TRPC4: variants seen among roughly 807,000 people sequenced by gnomAD.
TRPC4 encodes transient receptor potential cation channel subfamily C member 4.
Under a neutral mutation model 99.4 loss-of-function variants are expected in TRPC4, and 49 were observed. The observed-to-expected ratio is 0.49, with a 90% CI of 0.39 to 0.63. The LOEUF is 0.63. Among genes scored for constraint, TRPC4 ranks in the 20% least tolerant of loss-of-function variants. The pLI is 0.00. For synonymous variants in TRPC4, 454 were observed against 425.9 expected (o/e 1.07, Z -0.81); for missense variants, 898 against 1,152.9 (o/e 0.78, Z 3.20).
chr13:37,751,300 T>C (rs1955926687), intron 2 of TRPC4, among the ~76,000 whole-genome samples: 1 of 152,074 alleles, frequency 6.6e-6, no homozygotes, highest in Admixed American at 6.6e-5. Flanking sequence ...TTCCCAATCC[T>C]GCTTCTTTTG....
rs757732284 is a variant in TRPC4, at chr13:37,632,247, G to A, written c.*4656C>T. The stretch of plus-strand genomic sequence containing the variant: ...CAAGGCACAAATGCAAGCCACATAC[G>A]TATTTTTCAGTTTTCTAGTAGCCAC... On this transcript the variant is annotated 3_prime_UTR_variant, in exon 11 of 11. Coordinates refer to ENST00000379705, the MANE Select transcript of TRPC4 (RefSeq NM_016179.4). Among the ~76,000 whole-genome samples the A allele has an allele frequency of 6.6e-6, 1 of 152,142 alleles. No individual in the cohort carries two copies.
chr13:37,663,887 T>C (rs1189236716), intron 5 of TRPC4, among the ~76,000 whole-genome samples, 158 bp from the exon 6 acceptor site: 1 of 152,236 alleles, frequency 6.6e-6, no homozygotes, highest in Middle Eastern at 3.2e-3. Flanking sequence ...GAGGAACACA[T>C]GTAGGATACA....
chr13:37,752,075 C>CTATATA (rs10528143), intron 2 of TRPC4, among the ~76,000 whole-genome samples: 7,014 of 73,792 alleles, frequency 0.095, 1,593 homozygotes, highest in East Asian at 0.16. Context: ...AAGCAGAAAA[C>CTATATA]TATATATATA....
chr13:37,797,738 C>G (rs565027210), intron 1 of TRPC4, among the ~76,000 whole-genome samples: 1 of 152,268 alleles, frequency 6.6e-6, no homozygotes, highest in African/African-American at 2.4e-5. Flanking sequence ...AATTTGTCAT[C>G]TCCTAAATAC....
chr13:37,661,383 G>A (rs1196842408), intron 6 of TRPC4, among the ~76,000 whole-genome samples: 1 of 152,216 alleles, frequency 6.6e-6, no homozygotes, highest in African/African-American at 2.4e-5. Context: ...AATCATGACA[G>A]TGTTATGTAT....
At chr13:37,783,988 A>C (rs769861416) in intron 1 of TRPC4, among the ~76,000 whole-genome samples, 111 of 152,132 alleles carry the variant, frequency 7.3e-4, no homozygotes, top group Non-Finnish European at 1.3e-3. Flanking sequence ...AATTACAGGC[A>C]TGAGCCACTG....
chr13:37,790,668 G>A (rs1341598220), intron 1 of TRPC4, among the ~76,000 whole-genome samples: 1 of 152,042 alleles, frequency 6.6e-6, no homozygotes, highest in African/African-American at 2.4e-5. Flanking sequence ...CACAAAAATT[G>A]CCTCATCCTA....
intron 5 of TRPC4, among the ~76,000 whole-genome samples, chr13:37,664,374 G>A (rs879697405): frequency 3.3e-5 from 5 of 152,002 alleles, no homozygotes; most frequent in South Asian, 2.1e-4. Context: ...GGGAGTTCGC[G>A]ACCAGCCTGA....
At chr13:37,799,202 G>A (rs1235114519) in intron 1 of TRPC4, among the ~76,000 whole-genome samples, 1 of 152,070 alleles carries the variant, frequency 6.6e-6, no homozygotes, top group African/African-American at 2.4e-5. Context: ...CCAAAGTGCT[G>A]GGATTACAGG....
intron 2 of TRPC4, among the ~76,000 whole-genome samples, chr13:37,775,463 A>C (rs996906986): frequency 1.3e-5 from 2 of 151,054 alleles, no homozygotes; most frequent in African/African-American, 4.9e-5. Context: ...TTTGTTACAC[A>C]GGTAAACGTG....
At chr13:37,848,223 A>G (rs1958956305) in intron 1 of TRPC4, among the ~76,000 whole-genome samples, 1 of 152,202 alleles carries the variant, frequency 6.6e-6, no homozygotes. Flanking sequence ...TTAGTTTAAC[A>G]TAGACATTAT....
intron 1 of TRPC4, among the ~76,000 whole-genome samples, chr13:37,827,428 G>A (rs1013955719): frequency 3.3e-5 from 5 of 152,096 alleles, no homozygotes; most frequent in African/African-American, 1.2e-4. Flanking sequence ...CTTTGATGAT[G>A]GTGATGTACA....
At chr13:37,765,079 TG>T (rs773047411) in intron 2 of TRPC4, among the ~76,000 whole-genome samples, 2 of 151,400 alleles carry the variant, frequency 1.3e-5, no homozygotes, top group Non-Finnish European at 3.0e-5. Context: ...TTTTTTATTA[TG>T]TCTTAAATAT....
At chr13:37,788,358 A>G (rs934200021) in intron 1 of TRPC4, among the ~76,000 whole-genome samples, 3 of 152,094 alleles carry the variant, frequency 2.0e-5, no homozygotes, top group African/African-American at 7.2e-5. Flanking sequence ...GATTTTCTGT[A>G]TTTTATAAAC....
intron 2 of TRPC4, among the ~76,000 whole-genome samples, chr13:37,764,076 T>G (rs775885287): frequency 3.3e-5 from 5 of 151,578 alleles, no homozygotes; most frequent in Non-Finnish European, 7.4e-5. Flanking sequence ...TGAGATTCCA[T>G]AGAATATTAC....
intron 3 of TRPC4, among the ~76,000 whole-genome samples, chr13:37,721,650 T>A (rs192265247): frequency 6.6e-6 from 1 of 152,332 alleles, no homozygotes; most frequent in Admixed American, 6.5e-5. Context: ...TTTAACTTTA[T>A]CTTTAAACTG....
At chr13:37,806,511 C>A (rs1263365233) in intron 1 of TRPC4, among the ~76,000 whole-genome samples, 2 of 152,012 alleles carry the variant, frequency 1.3e-5, no homozygotes, top group Non-Finnish European at 2.9e-5. Context: ...TCTCACCAAA[C>A]CCTTATCGAT....
intron 6 of TRPC4, among the ~76,000 whole-genome samples, chr13:37,661,315 A>C (rs186523546): frequency 6.6e-6 from 1 of 152,200 alleles, no homozygotes; most frequent in Non-Finnish European, 1.5e-5. Flanking sequence ...ATATGTTATT[A>C]CTTACAAAGA....
chr13:37,711,345 A>C (rs1296181242), intron 3 of TRPC4, among the ~76,000 whole-genome samples: 2 of 152,050 alleles, frequency 1.3e-5, no homozygotes, highest in Admixed American at 1.3e-4. Context: ...TTTATGGTAT[A>C]AGCAATGATA....
Sources: allele counts gnomAD v4.1 joint callset (sites outside exome capture counted in the v4.1 genomes callset), GRCh38; gene constraint gnomAD v4.1.1; transcripts MANE v1.5; gene names NCBI Gene and HGNC (gene_info 2026-07-23, HGNC 2026-07-21).